The following COL11A1 variants were observed in gnomAD, a reference collection of about 807,000 sequenced individuals.
COL11A1 encodes the protein collagen type XI alpha 1 chain.
In COL11A1, 74 loss-of-function variants were observed where a neutral mutation model predicts 265.2. The observed-to-expected ratio is 0.28, with a 90% CI of 0.23 to 0.34. The LOEUF (loss-of-function observed/expected upper bound fraction) is 0.34, where lower values mean the gene tolerates loss of function less well. COL11A1 is among the 10% of genes least tolerant of loss of function. The pLI, the probability that COL11A1 is intolerant of heterozygous loss-of-function variation, is 1.00. For synonymous variants in COL11A1, 816 were observed against 727.6 expected, an observed-to-expected ratio of 1.12 and a Z score of -1.96; for missense variants, 2,165 against 2,263.6, an observed-to-expected ratio of 0.96 and a Z score of 0.88.
chr1:103,017,977 T>G (rs1666701432), intron 10 of COL11A1, 95 bp from the exon 11 acceptor site: 1 of 1,034,686 alleles, frequency 9.7e-7, no homozygotes, highest in African/African-American at 1.6e-5. Flanking sequence ...CGTTTATATT[T>G]TATAAATATA....
chr1:103,088,877 CA>C (rs1270428710), intron 1 of COL11A1, among the ~76,000 whole-genome samples: 1 of 152,184 alleles, frequency 6.6e-6, no homozygotes, highest in Non-Finnish European at 1.5e-5. Flanking sequence ...TCCCTGGATG[CA>C]CCATGGCTGC....
At chr1:103,091,416 T>C (rs1673311492) in intron 1 of COL11A1, among the ~76,000 whole-genome samples, 1 of 152,094 alleles carries the variant, frequency 6.6e-6, no homozygotes, top group South Asian at 2.1e-4. Context: ...ATAAACTTCC[T>C]ACCCTCAATA....
intron 29 of COL11A1, among the ~76,000 whole-genome samples, chr1:102,988,571 G>T (rs1663810184): frequency 6.6e-6 from 1 of 152,086 alleles, no homozygotes; most frequent in African/African-American, 2.4e-5. Flanking sequence ...TTCAACTTTG[G>T]TGTGTTTACT....
intron 4 of COL11A1, among the ~76,000 whole-genome samples, chr1:103,033,500 T>C (rs1394155556): frequency 1.3e-5 from 2 of 152,118 alleles, no homozygotes; most frequent in African/African-American, 4.8e-5. Flanking sequence ...TGTTATCTTA[T>C]GTAGCTCTAA....
Position 102,889,529 on chromosome 1 carries a change from G to A in COL11A1, c.4390C>T (p.Pro1464Ser), listed in dbSNP as rs1651475810. The change falls in exon 59 of 67, where the codon CCA (proline) becomes TCA (serine). Residue 1464 changes from proline (P) to serine (S), a missense_variant. Coordinates refer to ENST00000370096, the MANE Select transcript of COL11A1 (RefSeq NM_001854.4). ...TCACCTTTTTCCCCTTGTTCTCCTG[G>A]AGGACCAATCAGGCCAATTAAACCA... The part of the protein sequence containing the change: ...HPGLIGLIGP[P>S]GEQGEKGDRG... 1 of 1,613,388 alleles carries A rather than the reference G, an allele frequency of 6.2e-7. No individual in the cohort carries two copies.
intron 4 of COL11A1, among the ~76,000 whole-genome samples, chr1:103,042,573 G>A (rs2102059587): frequency 6.6e-6 from 1 of 152,156 alleles, no homozygotes; most frequent in South Asian, 2.1e-4. Flanking sequence ...GCTACCACCA[G>A]GAGTTTGGAA....
chr1:103,069,625 C>T (rs1421749512), intron 4 of COL11A1, among the ~76,000 whole-genome samples: 1 of 151,802 alleles, frequency 6.6e-6, no homozygotes, highest in Non-Finnish European at 1.5e-5. Flanking sequence ...AAGTCACATA[C>T]TGGAAAAAAT....
intron 1 of COL11A1, among the ~76,000 whole-genome samples, chr1:103,106,857 C>T (rs1674732113): frequency 6.6e-6 from 1 of 152,122 alleles, no homozygotes; most frequent in Non-Finnish European, 1.5e-5. Context: ...GAGCTCAGAT[C>T]TTGGCATCTA....
At chr1:102,900,295 A>C (rs775083591) in intron 54 of COL11A1, among the ~76,000 whole-genome samples, 2 of 152,106 alleles carry the variant, frequency 1.3e-5, no homozygotes, top group African/African-American at 2.4e-5. Context: ...ACTTCAAAGG[A>C]CATCTTTCAA....
chr1:102,968,229 G>T (rs914025305), intron 37 of COL11A1, among the ~76,000 whole-genome samples: 18 of 152,292 alleles, frequency 1.2e-4, no homozygotes, highest in Non-Finnish European at 2.6e-4. Flanking sequence ...GCTGAAAATG[G>T]AAATTAATTG....
intron 42 of COL11A1, among the ~76,000 whole-genome samples, chr1:102,942,753 C>CT (rs1163204038): frequency 6.6e-6 from 1 of 151,914 alleles, no homozygotes; most frequent in African/African-American, 2.4e-5. Context: ...TTATTTCATC[C>CT]TTTTTTATGG....
rs754679150 is a variant in COL11A1 at position 102,920,358 on chromosome 1, G to T, written c.3715C>A (p.Gln1239Lys). The change falls in exon 49 of 67, where the codon CAA becomes AAA. Residue 1239 changes from glutamine (Q) to lysine (K), a missense_variant. By Grantham distance (53) the Gln-to-Lys change is moderately conservative. Coordinates refer to ENST00000370096, the MANE Select transcript of COL11A1 (RefSeq NM_001854.4). ...GAACCAACAGACCCTGGGGGTCCTT[G>T]TGGTCCCTGCAGTGTAGAAAAAGGA... ...PQGPNGADGP[Q>K]GPPGSVGSVG... 6.8e-6 allele frequency: 11 copies of T among 1,612,880 alleles called. No homozygotes were observed. Among genetic ancestry groups the T allele is most frequent in the Admixed American group, 3.3e-5 (2 of 59,974 alleles).
intron 4 of COL11A1, among the ~76,000 whole-genome samples, chr1:103,054,483 G>T (rs1670072663): frequency 6.6e-6 from 1 of 151,936 alleles, no homozygotes; most frequent in African/African-American, 2.4e-5. Context: ...ATAAACCTGA[G>T]TCTTTTACAA....
intron 1 of COL11A1, among the ~76,000 whole-genome samples, chr1:103,085,426 A>T (rs976768985): frequency 6.6e-6 from 1 of 152,158 alleles, no homozygotes; most frequent in Non-Finnish European, 1.5e-5. Flanking sequence ...TTCTCTGTAC[A>T]CATTTTGGGG....
chr1:103,031,227 A>G lies in COL11A1; in HGVS notation c.669T>C (p.Phe223=). The part of the protein sequence containing the change: ...EEVFEGDIQQ[F]LITGDPKAAY... ...CTGCCTTGGGATCACCTGTGATCAA[A>G]AACTGCTGAATGTCCCCCTGGGAAA... The change falls in exon 5 of 67, where the codon TTT becomes TTC. Residue 223 remains phenylalanine (F), a synonymous_variant. Coordinates refer to ENST00000370096, the MANE Select transcript of COL11A1 (RefSeq NM_001854.4). The G allele has an allele frequency of 1.3e-6, 2 of 1,590,886 alleles. No homozygotes were observed. Among genetic ancestry groups the G allele is most frequent in the East Asian group, 4.5e-5 (2 of 44,052 alleles).
intron 24 of COL11A1, chr1:103,001,010 T>A: frequency 2.5e-6 from 1 of 392,536 alleles, no homozygotes; most frequent in East Asian, 3.6e-5. Context: ...CACATACACA[T>A]TCATATGATT....
chr1:102,923,993 G>A (rs1656285755), intron 46 of COL11A1, among the ~76,000 whole-genome samples: 1 of 150,926 alleles, frequency 6.6e-6, no homozygotes, highest in Non-Finnish European at 1.5e-5. Flanking sequence ...CGGATCACGA[G>A]GTCAGGAGAT....
At position 103,014,403 on chromosome 1, in the gene COL11A1, C is replaced by T. The variant is rs148063580; in HGVS notation, c.1572+108G>A. 945 of 944,984 alleles carry T rather than the reference C, an allele frequency of 1.0e-3. 5 individuals carry two copies. In the East Asian group the frequency reaches 0.019, roughly 19 times the overall value. 58.5% of individuals were successfully genotyped at this position (944,984 alleles called of 1,614,324 possible). A position where few individuals can be genotyped will look rare whatever the true frequency, so the allele number is the denominator to read the frequency against. On this transcript the variant is annotated intron_variant, in intron 13 of 66. Transcript: ENST00000370096. ...TTCCAAGTAAGTTTAACACAGTATT[C>T]GGAAGTAAATATTCTATTAATAATG... is the stretch of plus-strand genomic sequence containing the variant.
At chr1:103,084,736 A>C (rs1381210916) in intron 1 of COL11A1, among the ~76,000 whole-genome samples, 1 of 152,336 alleles carries the variant, frequency 6.6e-6, no homozygotes, top group Middle Eastern at 3.4e-3. Flanking sequence ...TTTAGAACCC[A>C]TATTACTCAA....
Sources: allele counts gnomAD v4.1 joint callset (sites outside exome capture counted in the v4.1 genomes callset), GRCh38; gene constraint gnomAD v4.1.1; transcripts MANE v1.5; gene names NCBI Gene and HGNC (gene_info 2026-07-23, HGNC 2026-07-21).